The following EGF variants were observed in gnomAD, a reference collection of about 807,000 sequenced individuals.
The protein encoded by EGF is epidermal growth factor, also known as pro-epidermal growth factor.
A neutral mutation model predicts 143.8 loss-of-function variants in EGF; 95 were observed. That is an observed-to-expected ratio of 0.66 (90% CI 0.56 to 0.78). EGF has a LOEUF of 0.78. EGF is among the 30% of genes least tolerant of loss of function. The pLI is 0.00. For synonymous variants in EGF, 510 were observed against 510.5 expected, an observed-to-expected ratio of 1.00 and a Z score of 0.01; for missense variants, 1,320 against 1,470.9, an observed-to-expected ratio of 0.90 and a Z score of 1.68.
chr4:110,011,693 C>T lies in EGF; in HGVS notation c.*238C>T. The T allele has an allele frequency of 1.7e-6, 1 of 592,304 alleles. No homozygotes were observed. Among genetic ancestry groups the T allele is most frequent in the South Asian group, 2.1e-5 (1 of 48,766 alleles). The allele number at this position is 592,304 out of a possible 1,614,324, so 36.7% of individuals were successfully genotyped here. ...GAATCACTAGGTAACTTATTAGAAA[C>T]CCAAATTGGGACAACAGTGCTTTGT... On this transcript the variant is annotated 3_prime_UTR_variant, in exon 24 of 24. Coordinates refer to ENST00000265171, the MANE Select transcript of EGF (RefSeq NM_001963.6).
chr4:109,958,651 A>G (rs1459020625), intron 5 of EGF, among the ~76,000 whole-genome samples: 1 of 152,124 alleles, frequency 6.6e-6, no homozygotes, highest in Non-Finnish European at 1.5e-5. Context: ...ATTCTTGGCC[A>G]GGCACAGTGG....
intron 18 of EGF, among the ~76,000 whole-genome samples, chr4:109,989,559 G>A (rs1560745370): frequency 6.6e-6 from 1 of 152,108 alleles, no homozygotes; most frequent in East Asian, 1.9e-4. Flanking sequence ...TTTGAATCTG[G>A]TTGATTTAAA....
intron 21 of EGF, among the ~76,000 whole-genome samples, chr4:110,000,244 C>T (rs1449802474): frequency 7.5e-6 from 1 of 134,046 alleles, no homozygotes; most frequent in Non-Finnish European, 1.6e-5. Context: ...GAGCGAGACT[C>T]CGTGTCAAAA....
At chr4:109,920,462 A>G (rs1042904528) in intron 1 of EGF, among the ~76,000 whole-genome samples, 6 of 151,698 alleles carry the variant, frequency 4.0e-5, no homozygotes, top group African/African-American at 1.5e-4. Context: ...AGGGGAGAGC[A>G]CTTGATGGGG....
intron 11 of EGF, among the ~76,000 whole-genome samples, chr4:109,971,294 T>G (rs1747611973): frequency 6.6e-6 from 1 of 152,222 alleles, no homozygotes; most frequent in Non-Finnish European, 1.5e-5. Context: ...TCAACTTCAG[T>G]TGTAATAATT....
intron 18 of EGF, among the ~76,000 whole-genome samples, chr4:109,989,480 G>A (rs1750634847): frequency 2.0e-5 from 3 of 152,182 alleles, no homozygotes; most frequent in African/African-American, 7.2e-5. Flanking sequence ...CTGATAAGAA[G>A]CTCAAATGAT....
At chr4:109,948,922 A>T (rs990192131) in intron 5 of EGF, among the ~76,000 whole-genome samples, 1 of 152,250 alleles carries the variant, frequency 6.6e-6, no homozygotes, top group African/African-American at 2.4e-5. Context: ...AAACTACTTC[A>T]ATGAAGAAAT....
At chr4:110,004,711 C>A in intron 22 of EGF, 89 bp downstream of exon 22, 2 of 1,006,088 alleles carry the variant, frequency 2.0e-6, no homozygotes, top group Non-Finnish European at 2.8e-6. Flanking sequence ...TTCAGAATGA[C>A]TGGAATCAGT....
chr4:109,921,235 TG>T (rs1024302902), intron 1 of EGF, among the ~76,000 whole-genome samples: 1 of 149,902 alleles, frequency 6.7e-6, no homozygotes, highest in Non-Finnish European at 1.5e-5. Flanking sequence ...TTCTCAATTC[TG>T]GGAATTAGCA....
intron 1 of EGF, among the ~76,000 whole-genome samples, chr4:109,930,967 G>A (rs1239037725): frequency 2.0e-5 from 3 of 151,758 alleles, no homozygotes; most frequent in Admixed American, 2.0e-4. Flanking sequence ...TAAGGTTTGT[G>A]TTCCCTAGAA....
intron 1 of EGF, among the ~76,000 whole-genome samples, chr4:109,930,875 C>G (rs777917464): frequency 1.3e-5 from 2 of 152,218 alleles, no homozygotes; most frequent in Non-Finnish European, 2.9e-5. Context: ...ACATTCTGAA[C>G]TCCTTTCTAA....
chr4:109,947,726 G>T (rs569685769), intron 5 of EGF, among the ~76,000 whole-genome samples: 1 of 152,142 alleles, frequency 6.6e-6, no homozygotes, highest in African/African-American at 2.4e-5. Flanking sequence ...TATTTACTGA[G>T]TCCCATTCAT....
intron 2 of EGF, among the ~76,000 whole-genome samples, chr4:109,942,360 G>A (rs1428657369): frequency 6.6e-6 from 1 of 152,212 alleles, no homozygotes; most frequent in Non-Finnish European, 1.5e-5. Flanking sequence ...GATTGGGTTG[G>A]TGCAAAGGTA....
At chr4:109,980,365 C>A (rs1446833685) in intron 14 of EGF, among the ~76,000 whole-genome samples, 1 of 152,166 alleles carries the variant, frequency 6.6e-6, no homozygotes, top group East Asian at 1.9e-4. Flanking sequence ...ACAACTTTTA[C>A]TTACCTGCTG....
intron 22 of EGF, 26 bp from the exon 23 acceptor site, chr4:110,008,126 C>T: frequency 6.3e-7 from 1 of 1,596,102 alleles, no homozygotes; most frequent in Non-Finnish European, 8.6e-7. Flanking sequence ...ACAATATCCT[C>T]TCTCCCTCCT....
At chr4:109,938,416 C>T (rs1372611618) in intron 1 of EGF, among the ~76,000 whole-genome samples, 1 of 152,190 alleles carries the variant, frequency 6.6e-6, no homozygotes, top group Non-Finnish European at 1.5e-5. Context: ...CCATTTGTCT[C>T]ACCTTTTTTC....
intron 1 of EGF, among the ~76,000 whole-genome samples, chr4:109,933,411 ATTTCTTTTT>A (rs955030850): frequency 4.1e-5 from 6 of 145,292 alleles, no homozygotes; most frequent in African/African-American, 1.0e-4. Flanking sequence ...CTCTTGTAGC[ATTTCTTTTT>A]TTTCTTTTTT....
chr4:109,952,437 C>A (rs1331222782), intron 5 of EGF, among the ~76,000 whole-genome samples: 1 of 152,122 alleles, frequency 6.6e-6, no homozygotes, highest in Non-Finnish European at 1.5e-5. Flanking sequence ...ATTGTCTCCA[C>A]CTGGAAATGT....
rs939039188 is a variant in EGF, at chr4:109,913,195, C to G, written c.-141C>G. 1.6e-5 allele frequency: 16 copies of G among 1,006,740 alleles called. 1 individual carries two copies. Among genetic ancestry groups the G allele is most frequent in the Admixed American group, 1.5e-4 (8 of 53,910 alleles). The allele number at this position is 1,006,740 out of a possible 1,614,324, so 62.4% of individuals were successfully genotyped here. ...AGAAAGAGCTTGGAGGACAACAGCA[C>G]AACAGGAGAGTAAAAGATGCCCCAG... is the stretch of plus-strand genomic sequence containing the variant. On this transcript the variant is annotated 5_prime_UTR_variant, in exon 1 of 24. Coordinates refer to ENST00000265171, the MANE Select transcript of EGF (RefSeq NM_001963.6).
Sources: allele counts gnomAD v4.1 joint callset (sites outside exome capture counted in the v4.1 genomes callset), GRCh38; gene constraint gnomAD v4.1.1; transcripts MANE v1.5; gene names NCBI Gene and HGNC (gene_info 2026-07-23, HGNC 2026-07-21).